Variants in PDE4D observed in about 807,000 individuals in gnomAD.
PDE4D encodes 3',5'-cyclic-AMP phosphodiesterase 4D.
In PDE4D, 24 loss-of-function variants were observed where a neutral mutation model predicts 87.4. The ratio of observed to expected loss-of-function variants is 0.27; its 90% CI spans 0.20 to 0.39. The LOEUF (loss-of-function observed/expected upper bound fraction) is 0.39. Among genes scored for constraint, PDE4D ranks in the 10% least tolerant of loss-of-function variants. The pLI, the probability that PDE4D is intolerant of heterozygous loss-of-function variation, is 1.00. For missense variants in PDE4D, 714 were observed against 1,041.0 expected (o/e 0.69, Z 4.32); for synonymous variants, 384 against 383.2 (o/e 1.00, Z -0.02).
chr5:59,905,956 T>A (rs899280122), intron 3 of PDE4D, among the ~76,000 whole-genome samples: 11 of 152,188 alleles, frequency 7.2e-5, no homozygotes, highest in African/African-American at 2.7e-4. Context: ...TAGTTCTGCC[T>A]TCTTCTCTCC....
intron 2 of PDE4D, among the ~76,000 whole-genome samples, chr5:60,152,753 T>C (rs906484001): frequency 6.6e-6 from 1 of 152,138 alleles, no homozygotes; most frequent in African/African-American, 2.4e-5. Context: ...ATCTCATTTG[T>C]TATTGGTCTA....
rs144041304 is a variant in PDE4D, at chr5:59,299,972, C to T, written c.456-84004G>A. On this transcript the variant is annotated intron_variant, in intron 1 of 14. Coordinates refer to ENST00000340635, the MANE Select transcript of PDE4D (RefSeq NM_001104631.2). ...AAAAAATACAAAAAAATTAGCCAGG[C>T]GTGGTGTCCCGTGCCTGTAGTCCCG... 3.1e-3 allele frequency among the ~76,000 whole-genome samples: 476 copies of T among 152,000 alleles called. 14 individuals carry two copies. Among genetic ancestry groups the T allele is most frequent in the East Asian group, 7.7e-3 (40 of 5,168 alleles).
chr5:60,441,772 G>T lies in PDE4D; in HGVS notation c.-90+46170C>A, dbSNP rs183940390. On this transcript the variant is annotated intron_variant, in intron 1 of 16. Transcript: ENST00000502484. The stretch of plus-strand genomic sequence containing the variant: ...AACCAAACAACCCCATCAAAAAGAG[G>T]GTGAAGAATATGAACAGACACTTCT... 2.2e-4 allele frequency among the ~76,000 whole-genome samples: 33 copies of T among 152,140 alleles called. 1 individual carries two copies. The highest frequency in any genetic ancestry group is 8.0e-4 in the African/African-American group (33 of 41,492).
chr5:59,087,875 A>G (rs1768005563), intron 5 of PDE4D, among the ~76,000 whole-genome samples: 1 of 152,122 alleles, frequency 6.6e-6, no homozygotes, highest in Admixed American at 6.6e-5. Flanking sequence ...CAGCTCAAGA[A>G]TTTTCATTTC....
At position 58,993,469 on chromosome 5, in the gene PDE4D, A is replaced by G. The variant is rs1436908052; in HGVS notation, c.922-4T>C. The G allele has an allele frequency of 6.4e-7, 1 of 1,557,814 alleles. No homozygotes were observed. ...CCCGATTAAGCATCCTTTTAAACTG[A>G]AAAACAGAAAAGTAAAATGAAATAA... On this transcript the variant is annotated splice_region_variant and splice_polypyrimidine_tract_variant and intron_variant, in intron 6 of 14. Coordinates refer to ENST00000340635, the MANE Select transcript of PDE4D (RefSeq NM_001104631.2).
At chr5:59,718,304 CTTAA>C (rs1755319435) in intron 1 of PDE4D, among the ~76,000 whole-genome samples, 1 of 152,150 alleles carries the variant, frequency 6.6e-6, no homozygotes, top group African/African-American at 2.4e-5. Flanking sequence ...ATGTTTACAC[CTTAA>C]TTATGTCAGC....
intron 1 of PDE4D, among the ~76,000 whole-genome samples, chr5:60,393,076 T>C (rs372469596): frequency 6.6e-6 from 1 of 152,238 alleles, no homozygotes; most frequent in African/African-American, 2.4e-5. Flanking sequence ...AAGTCTCTGA[T>C]GGACTTTTTT....
intron 3 of PDE4D, among the ~76,000 whole-genome samples, chr5:59,962,269 C>T (rs987540667): frequency 1.3e-5 from 2 of 151,934 alleles, no homozygotes; most frequent in African/African-American, 4.8e-5. Flanking sequence ...TGAATTGGCC[C>T]TTGGGTTGCT....
intron 1 of PDE4D, among the ~76,000 whole-genome samples, chr5:59,615,926 T>C (rs1314349637): frequency 2.0e-5 from 3 of 152,102 alleles, no homozygotes; most frequent in Non-Finnish European, 4.4e-5. Context: ...TCTAGGAGTC[T>C]AGAAAAAGTA....
chr5:60,104,521 C>T (rs1776635651), intron 2 of PDE4D, among the ~76,000 whole-genome samples: 3 of 152,214 alleles, frequency 2.0e-5, no homozygotes, highest in Admixed American at 6.5e-5. Context: ...GTTCTCCCAG[C>T]ATGCAGCTGG....
In PDE4D at chr5:59,026,400, C is replaced by T. The variant is rs112357009; in HGVS notation, c.921+12459G>A. ...TGCTCAGACTCTCCATCTACCAATA[C>T]AAGGTAAAAAACAGCATTTGCATTA... is the stretch of plus-strand genomic sequence containing the variant. On this transcript the variant is annotated intron_variant, in intron 6 of 14. Transcript: ENST00000340635. Among the ~76,000 whole-genome samples the T allele has an allele frequency of 3.5e-3, 532 of 152,252 alleles. 4 individuals carry two copies. Among genetic ancestry groups the T allele is most frequent in the African/African-American group, 0.012 (506 of 41,548 alleles).
At chr5:59,737,322 G>A (rs1323867736) in intron 1 of PDE4D, among the ~76,000 whole-genome samples, 1 of 152,050 alleles carries the variant, frequency 6.6e-6, no homozygotes, top group Admixed American at 6.6e-5. Context: ...ATTACAAAAT[G>A]CCTTTCGGTA....
intron 6 of PDE4D, among the ~76,000 whole-genome samples, chr5:59,005,441 A>G (rs911968630): frequency 2.6e-5 from 4 of 152,190 alleles, no homozygotes; most frequent in Non-Finnish European, 5.9e-5. Context: ...CTTTTCAAAA[A>G]TCTCTGAGCC....
intron 1 of PDE4D, among the ~76,000 whole-genome samples, chr5:59,880,852 G>T (rs1418676005): frequency 8.5e-5 from 13 of 152,084 alleles, no homozygotes; most frequent in African/African-American, 3.1e-4. Context: ...TATTGCTATA[G>T]TGAGATTATT....
chr5:60,319,710 C>T (rs1756019695), intron 1 of PDE4D, among the ~76,000 whole-genome samples: 1 of 152,118 alleles, frequency 6.6e-6, no homozygotes, highest in African/African-American at 2.4e-5. Context: ...CAGTTAGGAC[C>T]CTCAGCTTCA....
intron 4 of PDE4D, among the ~76,000 whole-genome samples, chr5:59,184,782 A>T (rs1357891855): frequency 6.6e-6 from 1 of 152,136 alleles, no homozygotes; most frequent in Non-Finnish European, 1.5e-5. Context: ...AGAATCAAAG[A>T]TCTTTGCTAT....
At chr5:60,297,834 T>G (rs1410858828) in intron 1 of PDE4D, among the ~76,000 whole-genome samples, 2 of 152,182 alleles carry the variant, frequency 1.3e-5, no homozygotes, top group African/African-American at 4.8e-5. Context: ...CTTCTTTGCA[T>G]GCTTAATTTA....
intron 1 of PDE4D, among the ~76,000 whole-genome samples, chr5:60,340,952 A>G (rs1292467276): frequency 6.6e-6 from 1 of 152,160 alleles, no homozygotes; most frequent in African/African-American, 2.4e-5. Flanking sequence ...TCTCTCAGTA[A>G]GTAAATGTAA....
intron 2 of PDE4D, among the ~76,000 whole-genome samples, chr5:60,071,625 G>A (rs1159635192): frequency 6.6e-6 from 1 of 152,054 alleles, no homozygotes; most frequent in Non-Finnish European, 1.5e-5. Context: ...AGAGATACAT[G>A]TGCAAGTTTG....
Sources: allele counts gnomAD v4.1 joint callset (sites outside exome capture counted in the v4.1 genomes callset), GRCh38; gene constraint gnomAD v4.1.1; transcripts MANE v1.5; gene names NCBI Gene and HGNC (gene_info 2026-07-23, HGNC 2026-07-21).